The following LZTS2 variants were observed in gnomAD, a reference collection of about 807,000 sequenced individuals.
LZTS2 encodes the protein leucine zipper putative tumor suppressor 2.
In LZTS2, 32 loss-of-function variants were observed where a neutral mutation model predicts 60.6. That is an observed-to-expected ratio of 0.53 (90% CI 0.40 to 0.71). The LOEUF is 0.71. Ranked by LOEUF, LZTS2 falls within the 30% of genes least tolerant of loss-of-function variation. The pLI is 0.00. For synonymous variants in LZTS2, 360 were observed against 393.1 expected (o/e 0.92, Z 1.00); for missense variants, 792 against 901.9 (o/e 0.88, Z 1.56).
exon 4 of LZTS2, chr10:101,007,382 C>T (rs1196709216): frequency 4.9e-6 from 7 of 1,423,766 alleles, no homozygotes; most frequent in African/African-American, 1.4e-5. Flanking sequence ...CCCGTGTTCA[C>T]TGTTACCCAG....
chr10:101,006,711 A>G, exon 4 of LZTS2: 1 of 1,602,240 alleles, frequency 6.2e-7, no homozygotes. Context: ...CGACACCGCC[A>G]GGAAGCTGAG....
exon 4 of LZTS2, chr10:101,007,324 A>G: frequency 7.0e-7 from 1 of 1,418,874 alleles, no homozygotes; most frequent in Non-Finnish European, 9.2e-7. Flanking sequence ...CCAAGAACTC[A>G]GGGTGGCCCT....
exon 4 of LZTS2, chr10:101,006,980 G>A: frequency 1.3e-6 from 2 of 1,554,070 alleles, no homozygotes; most frequent in Non-Finnish European, 1.7e-6. Flanking sequence ...GGCAGAGAAG[G>A]AGCAGGTGAT....
intron 2 of LZTS2, 113 bp downstream of exon 3, chr10:101,004,279 G>A: frequency 1.6e-6 from 2 of 1,219,056 alleles, no homozygotes; most frequent in South Asian, 3.2e-5. Flanking sequence ...TTGTAGTTGT[G>A]ACCCCCCTGC....
upstream of LZTS2, chr10:100,996,619 C>T (rs1851922426): frequency 6.6e-6 from 1 of 152,324 alleles, no homozygotes; most frequent in Admixed American, 6.5e-5. Context: ...TGGGCAGATA[C>T]CTACTCTAGG....
exon 1 of LZTS2, chr10:101,000,914 AGT>A (rs977487234): frequency 6.6e-6 from 1 of 152,340 alleles, no homozygotes; most frequent in Non-Finnish European, 1.5e-5. Flanking sequence ...CCTGGTTCGC[AGT>A]GTCTTTTGAC....
At chr10:101,006,614 C>T (rs768387504) in exon 4 of LZTS2, 71 of 1,601,438 alleles carry the variant, frequency 4.4e-5, no homozygotes, top group East Asian at 3.1e-4. Flanking sequence ...TGCTACGCTG[C>T]GGGTCAGTGA....
exon 1 of LZTS2, chr10:101,001,092 A>G (rs1011114215): frequency 4.0e-5 from 6 of 151,864 alleles, no homozygotes; most frequent in South Asian, 2.1e-4. Context: ...GGCTCCCACC[A>G]CTCTCATACC....
chr10:101,000,115 G>A (rs1002769480), exon 1 of LZTS2: 1 of 152,422 alleles, frequency 6.6e-6, no homozygotes, highest in African/African-American at 2.4e-5. Flanking sequence ...CGCAGAATGG[G>A]AACTCGTGAT....
At chr10:101,006,890 T>C (rs1198019047) in exon 4 of LZTS2, 5 of 1,532,668 alleles carry the variant, frequency 3.3e-6, no homozygotes, top group African/African-American at 2.7e-5. Flanking sequence ...GGTGGAGCGA[T>C]TGCGGGTGGA....
exon 1 of LZTS2, chr10:101,002,378 G>A: frequency 1.7e-6 from 1 of 577,122 alleles, no homozygotes; most frequent in Non-Finnish European, 2.8e-6. Flanking sequence ...GCACTTGAAG[G>A]GGGAGTCTTG....
At chr10:101,007,216 G>C in exon 4 of LZTS2, 1 of 1,492,772 alleles carries the variant, frequency 6.7e-7, no homozygotes, top group African/African-American at 1.4e-5. Flanking sequence ...AGGGGCAGCA[G>C]CTGCAGATCC....
rs372286231 is a variant in LZTS2, at chr10:101,002,956, G to A, written c.408+10G>A. On this transcript the variant is annotated intron_variant, in intron 1 of 3. Transcript: ENST00000370220. ...TGGAAAGCTGGAGAAGGTGAGGACC[G>A]GCTCTTCCTTGTGGGCCTGGGTAGA... The A allele has an allele frequency of 1.1e-5, 17 of 1,601,262 alleles. No individual in the cohort carries two copies. The highest frequency in any genetic ancestry group is 2.7e-5 in the African/African-American group (2 of 74,708).
intron 3 of LZTS2, 115 bp downstream of exon 4, chr10:101,005,830 ACCTC>A: frequency 6.0e-6 from 8 of 1,332,162 alleles, no homozygotes; most frequent in Non-Finnish European, 7.9e-6. Context: ...CCCCTTTCTC[ACCTC>A]CGTGAGATGA....
rs763740435 is a variant in LZTS2 at position 101,005,448 on chromosome 10, T to C, written c.1069-10T>C. The C allele has an allele frequency of 1.4e-5, 22 of 1,543,050 alleles. No individual in the cohort carries two copies. The highest frequency in any genetic ancestry group is 1.8e-5 in the Non-Finnish European group (21 of 1,144,110). On this transcript the variant is annotated splice_polypyrimidine_tract_variant and intron_variant, in intron 2 of 3. Transcript: ENST00000370220. ...CTGCCCAGGAGCCAGGTCTCTCTTC[T>C]CGCCTGCAGGCATACGAGGAGCGGC...
exon 2 of LZTS2, chr10:101,003,803 T>C (rs1317748739): frequency 1.2e-6 from 2 of 1,612,998 alleles, no homozygotes; most frequent in Admixed American, 1.7e-5. Context: ...GCACCGGAGG[T>C]GCCGAGCCAA....
At chr10:101,004,048 C>T (rs745835405) in exon 2 of LZTS2, 1 of 1,613,404 alleles carries the variant, frequency 6.2e-7, no homozygotes, top group South Asian at 1.1e-5. Context: ...CCCCCGCCTC[C>T]ACCTCCTTCG....
Position 101,006,026 on chromosome 10 carries a change from T to C in LZTS2, c.1326+311T>C, listed in dbSNP as rs543897723. Among the ~76,000 whole-genome samples, 250 of 152,312 alleles carry C rather than the reference T, an allele frequency of 1.6e-3. 2 individuals carry two copies. The highest frequency in any genetic ancestry group is 5.8e-3 in the African/African-American group (243 of 41,580). On this transcript the variant is annotated intron_variant, in intron 3 of 3. Coordinates refer to ENST00000370220, the Ensembl canonical transcript of LZTS2. Reference sequence around the variant, plus strand: ...ACAACACTGAGGGGGCTACCATTAGTCTCCCCATTTTAGAGATGAGTAAAC... The same window carrying C: ...ACAACACTGAGGGGGCTACCATTAGCCTCCCCATTTTAGAGATGAGTAAAC...
At chr10:101,007,394 G>A in exon 4 of LZTS2, 1 of 1,426,824 alleles carries the variant, frequency 7.0e-7, no homozygotes, top group Non-Finnish European at 9.2e-7. Context: ...GTTACCCAGA[G>A]GCTCTTGTTA....
Sources: allele counts gnomAD v4.1 joint callset (sites outside exome capture counted in the v4.1 genomes callset), GRCh38; gene constraint gnomAD v4.1.1; transcripts MANE v1.5; gene names NCBI Gene and HGNC (gene_info 2026-07-23, HGNC 2026-07-21).